The following SYTL3 variants were observed in gnomAD, a reference collection of about 807,000 sequenced individuals.
SYTL3 encodes the protein synaptotagmin-like protein 3.
A neutral mutation model predicts 82.1 loss-of-function variants in SYTL3; 88 were observed. The ratio of observed to expected loss-of-function variants is 1.07; its 90% CI spans 0.90 to 1.28. The LOEUF is 1.28. Among genes scored for constraint, SYTL3 ranks in the 50% most tolerant of loss-of-function variants. The pLI, the probability that SYTL3 is intolerant of heterozygous loss-of-function variation, is 0.00. For missense variants in SYTL3, 831 were observed against 757.6 expected (o/e 1.10, Z -1.14); for synonymous variants, 311 against 289.4 (o/e 1.07, Z -0.76).
At chr6:158,650,945 C>T (rs756289051) in intron 1 of SYTL3, among the ~76,000 whole-genome samples, 1 of 151,640 alleles carries the variant, frequency 6.6e-6, no homozygotes, top group Non-Finnish European at 1.5e-5. Flanking sequence ...AGTAAGACTC[C>T]GTCTCAAAAA....
chr6:158,683,112 C>G, intron 6 of SYTL3, 123 bp downstream of exon 6: 1 of 664,370 alleles, frequency 1.5e-6, no homozygotes, highest in East Asian at 2.9e-5. Flanking sequence ...CTATGTCTTG[C>G]CATTCCATTT....
chr6:158,682,999 C>T lies in SYTL3; in HGVS notation c.394+10C>T. The stretch of plus-strand genomic sequence containing the variant: ...AAATTTCCAACTGGAGGTAAATGCT[C>T]TTTACTTTTTTAGTAAAGTAAAATG... On this transcript the variant is annotated intron_variant, in intron 6 of 17. Coordinates refer to ENST00000611299, the MANE Select transcript of SYTL3 (RefSeq NM_001242394.2). The T allele has an allele frequency of 6.3e-7, 1 of 1,586,226 alleles. No individual in the cohort carries two copies. The highest frequency in any genetic ancestry group is 8.7e-7 in the Non-Finnish European group (1 of 1,155,278).
chr6:158,728,956 G>A (rs1202246861), intron 11 of SYTL3, among the ~76,000 whole-genome samples: 5 of 152,180 alleles, frequency 3.3e-5, no homozygotes, highest in African/African-American at 7.2e-5. Context: ...AGGAGGCTGA[G>A]GCAGGAGGAT....
At chr6:158,692,753 T>C (rs1329742066) in intron 6 of SYTL3, among the ~76,000 whole-genome samples, 1 of 141,540 alleles carries the variant, frequency 7.1e-6, no homozygotes, top group African/African-American at 2.6e-5. Flanking sequence ...TTGGCTAACG[T>C]GGTGAAATCC....
In SYTL3 at chr6:158,730,622, C is replaced by T. The variant is rs547643993; in HGVS notation, c.855+4985C>T. 6.6e-5 allele frequency among the ~76,000 whole-genome samples: 10 copies of T among 152,280 alleles called. No individual in the cohort carries two copies. The South Asian group carries it at 1.9e-3, about 28-fold the overall frequency. On this transcript the variant is annotated intron_variant, in intron 11 of 17. Transcript: ENST00000611299. Reference sequence around the variant, plus strand: ...GTGACGAATAAACCTGGACTCTCAGCAACGCGGAAAGAAAGCAGCCAGTAA... The same window carrying T: ...GTGACGAATAAACCTGGACTCTCAGTAACGCGGAAAGAAAGCAGCCAGTAA...
intron 11 of SYTL3, among the ~76,000 whole-genome samples, chr6:158,744,738 G>T (rs775738425): frequency 1.3e-5 from 2 of 152,146 alleles, no homozygotes; most frequent in Admixed American, 1.3e-4. Context: ...CACAGAGATT[G>T]GTTGCATGCA....
At chr6:158,668,996 C>G (rs908991554) in intron 5 of SYTL3, among the ~76,000 whole-genome samples, 6 of 152,240 alleles carry the variant, frequency 3.9e-5, no homozygotes, top group East Asian at 1.9e-4. Flanking sequence ...AGGGGCCGAT[C>G]AGAAGAGGGT....
chr6:158,666,577 A>T (rs1406081123), intron 5 of SYTL3, among the ~76,000 whole-genome samples: 1 of 152,212 alleles, frequency 6.6e-6, no homozygotes, highest in Non-Finnish European at 1.5e-5. Context: ...GAAGGGAAGG[A>T]ATACTAGGCT....
At position 158,657,024 on chromosome 6, in the gene SYTL3, A is replaced by G. The variant is rs143530877; in HGVS notation, c.-636-4245A>G. 4.8e-3 allele frequency among the ~76,000 whole-genome samples: 736 copies of G among 152,284 alleles called. 7 individuals are homozygous for G. Among genetic ancestry groups the G allele is most frequent in the African/African-American group, 0.017 (688 of 41,562 alleles). ...CCAGAATTTAAATCTGTAAAGGTTC[A>G]CTTTTTCTTGCTAATGCTGTGAGGT... On this transcript the variant is annotated intron_variant, in intron 2 of 17. Coordinates refer to ENST00000611299, the MANE Select transcript of SYTL3 (RefSeq NM_001242394.2).
At chr6:158,680,596 A>C (rs1181710427) in intron 5 of SYTL3, among the ~76,000 whole-genome samples, 5 of 147,790 alleles carry the variant, frequency 3.4e-5, no homozygotes, top group South Asian at 2.1e-4. Flanking sequence ...AAAAAAAAAC[A>C]CAAAAATCAG....
intron 6 of SYTL3, among the ~76,000 whole-genome samples, chr6:158,696,362 ATT>A (rs57832098): frequency 2.9e-5 from 4 of 140,118 alleles, no homozygotes; most frequent in Admixed American, 7.2e-5. Flanking sequence ...ACCACGCCTA[ATT>A]TTTTTTTTTT....
chr6:158,732,313 C>G, intron 11 of SYTL3, among the ~76,000 whole-genome samples: 1 of 152,282 alleles, frequency 6.6e-6, no homozygotes, highest in South Asian at 2.1e-4. Flanking sequence ...ACTGAAGTCT[C>G]TATAGTAAAG....
intron 11 of SYTL3, among the ~76,000 whole-genome samples, chr6:158,730,634 A>T (rs539781646): frequency 4.6e-5 from 7 of 152,210 alleles, no homozygotes; most frequent in Admixed American, 4.6e-4. Context: ...ACGCGGAAAG[A>T]AAGCAGCCAG....
chr6:158,764,446 G>A lies in SYTL3; in HGVS notation c.1724-49G>A, dbSNP rs201996941. ...CATTTTTAAAGGGATGAGAGGGGAT[G>A]AAGTGGTGCCCTCCCCGACCATGGC... On this transcript the variant is annotated intron_variant, in intron 17 of 17. Coordinates refer to ENST00000611299, the MANE Select transcript of SYTL3 (RefSeq NM_001242394.2). 196 of 1,375,474 alleles carry A rather than the reference G, an allele frequency of 1.4e-4. 1 individual carries two copies. The African/African-American group carries it at 2.4e-3, about 17-fold the overall frequency. The allele number at this position is 1,375,474 out of a possible 1,614,324, so 85.2% of individuals were successfully genotyped here.
At chr6:158,761,516 GC>G (rs1404921439) in intron 15 of SYTL3, among the ~76,000 whole-genome samples, 1 of 152,020 alleles carries the variant, frequency 6.6e-6, no homozygotes, top group East Asian at 1.9e-4. Context: ...CACCATGTTA[GC>G]CAGGATGGTC....
At chr6:158,654,466 G>T (rs1788430444) in intron 2 of SYTL3, among the ~76,000 whole-genome samples, 1 of 152,174 alleles carries the variant, frequency 6.6e-6, no homozygotes, top group South Asian at 2.1e-4. Context: ...AAGACCAATG[G>T]AAACACCTAG....
At chr6:158,685,539 C>A (rs1014707862) in intron 6 of SYTL3, among the ~76,000 whole-genome samples, 6 of 151,328 alleles carry the variant, frequency 4.0e-5, no homozygotes, top group African/African-American at 1.5e-4. Flanking sequence ...ACTTTTTTGA[C>A]CGGGCCCGGT....
At chr6:158,704,476 G>C (rs1303695411) in intron 6 of SYTL3, among the ~76,000 whole-genome samples, 1 of 152,278 alleles carries the variant, frequency 6.6e-6, no homozygotes, top group Non-Finnish European at 1.5e-5. Context: ...CCTAGCTGGG[G>C]TCTGAGATGT....
At chr6:158,666,883 G>T (rs538713578) in intron 5 of SYTL3, among the ~76,000 whole-genome samples, 5 of 152,294 alleles carry the variant, frequency 3.3e-5, no homozygotes, top group South Asian at 2.1e-4. Context: ...CGTCCATTTC[G>T]CTCACAGCGT....
Sources: allele counts gnomAD v4.1 joint callset (sites outside exome capture counted in the v4.1 genomes callset), GRCh38; gene constraint gnomAD v4.1.1; transcripts MANE v1.5; gene names NCBI Gene and HGNC (gene_info 2026-07-23, HGNC 2026-07-21).